ANK2: variants seen among roughly 807,000 people sequenced by gnomAD.
The protein encoded by ANK2 is ankyrin 2.
Under a neutral mutation model 360.5 loss-of-function variants are expected in ANK2, and 83 were observed. That is an observed-to-expected ratio of 0.23 (90% CI 0.19 to 0.28). The LOEUF is 0.28. Among genes scored for constraint, ANK2 ranks in the 10% least tolerant of loss-of-function variants. The pLI, the probability that ANK2 is intolerant of heterozygous loss-of-function variation, is 1.00. For missense variants in ANK2, 4,201 were observed against 4,795.7 expected (o/e 0.88, Z 3.66); for synonymous variants, 1,740 against 1,759.5 (o/e 0.99, Z 0.28).
At chr4:113,330,512 C>A (rs2153927039) in intron 27 of ANK2, 42 bp downstream of exon 27, 1 of 1,583,636 alleles carries the variant, frequency 6.3e-7, no homozygotes, top group Non-Finnish European at 8.7e-7. Context: ...CATCGATGAG[C>A]TTGTGTCCTC....
At chr4:113,288,613 G>A (rs1162113956) in intron 20 of ANK2, 127 bp downstream of exon 20, 4 of 789,880 alleles carry the variant, frequency 5.1e-6, no homozygotes, top group East Asian at 2.7e-5. Flanking sequence ...TGATTTTGAC[G>A]AGGTGATGTA....
At chr4:112,817,411 A>G (rs2055758328), upstream of ANK2, among the ~76,000 whole-genome samples, 1 of 152,132 alleles carries the variant, frequency 6.6e-6, no homozygotes, top group Non-Finnish European at 1.5e-5. Flanking sequence ...AATGAATGTA[A>G]GCCTGAATGG....
chr4:113,355,213 G>C lies in ANK2; in HGVS notation c.6595G>C (p.Asp2199His). 4 of 1,614,152 alleles carry C rather than the reference G, an allele frequency of 2.5e-6. No homozygotes were observed. Among genetic ancestry groups the C allele is most frequent in the Non-Finnish European group, 3.4e-6 (4 of 1,179,982 alleles). Residue 2199 changes from aspartate (D) to histidine (H), a missense_variant, in exon 38 of 46, where the codon GAT becomes CAT. By Grantham distance (81) the Asp-to-His change is moderately conservative. This residue lies in a region of ANK2 where 2,642 missense variants were observed against 2,714.5 expected (regional missense o/e 0.97). Transcript: ENST00000357077. ...TCTGTCTTTACAAAGCGGTGCTTTA[G>C]ATGGCAGTTCTGAAAGCCTAAAGAA... Reference protein sequence around the residue: ...PALSLQSGALDGSSESLKNEG... With the variant: ...PALSLQSGALHGSSESLKNEG...
chr4:113,151,085 A>C (rs773781121), intron 1 of ANK2: 11 of 1,289,018 alleles, frequency 8.5e-6, no homozygotes, highest in South Asian at 1.2e-5. Context: ...TACAGGTGAC[A>C]TGCCCCCAGA....
chr4:113,238,261 C>G (rs2099399522), intron 7 of ANK2, among the ~76,000 whole-genome samples: 1 of 152,152 alleles, frequency 6.6e-6, no homozygotes, highest in South Asian at 2.1e-4. Context: ...TTAGTAGTCT[C>G]TCCTTGGCCA....
intron 21 of ANK2, 30 bp downstream of exon 21, chr4:113,292,544 G>A (rs369676749): frequency 7.1e-6 from 11 of 1,557,856 alleles, no homozygotes; most frequent in African/African-American, 5.5e-5. Context: ...CCCTCACCAC[G>A]CTTTCTTCTT....
At chr4:112,767,433 T>C in the ANK2 span, among the ~76,000 whole-genome samples, 1 of 152,106 alleles carries the variant, frequency 6.6e-6, no homozygotes, top group South Asian at 2.1e-4. Flanking sequence ...TGGTGGCATG[T>C]GTCTGTAGTC....
chr4:113,167,532 C>G (rs1302756377), intron 1 of ANK2, among the ~76,000 whole-genome samples: 1 of 152,106 alleles, frequency 6.6e-6, no homozygotes, highest in Non-Finnish European at 1.5e-5. Context: ...CTCCTGATCT[C>G]AAGCAATCCA....
intron 1 of ANK2, among the ~76,000 whole-genome samples, chr4:112,828,771 A>T (rs1213539970): frequency 2.0e-5 from 3 of 152,256 alleles, no homozygotes; most frequent in African/African-American, 4.8e-5. Context: ...CAAACTATGT[A>T]TCCAGCAAAA....
intron 1 of ANK2, among the ~76,000 whole-genome samples, chr4:112,892,953 T>C (rs568010740): frequency 6.6e-5 from 10 of 151,790 alleles, no homozygotes; most frequent in African/African-American, 2.4e-4. Context: ...TTGCACATTC[T>C]AAAAATATAT....
At chr4:113,348,677 A>G (rs2095157856) in intron 36 of ANK2, among the ~76,000 whole-genome samples, 1 of 152,082 alleles carries the variant, frequency 6.6e-6, no homozygotes, top group Non-Finnish European at 1.5e-5. Context: ...TACATTAAAA[A>G]TGTACTAAGA....
At chr4:112,889,427 C>T (rs2079320528) in intron 1 of ANK2, among the ~76,000 whole-genome samples, 1 of 152,092 alleles carries the variant, frequency 6.6e-6, no homozygotes, top group Non-Finnish European at 1.5e-5. Flanking sequence ...ATCCTTCTGA[C>T]TACAAGCTAG....
the ANK2 span, among the ~76,000 whole-genome samples, chr4:112,712,394 A>G: frequency 2.2e-5 from 1 of 45,176 alleles, no homozygotes; most frequent in African/African-American, 5.8e-5. Context: ...TGTCATATAT[A>G]TATATATATA....
chr4:112,772,146 G>C, the ANK2 span, among the ~76,000 whole-genome samples: 1 of 152,162 alleles, frequency 6.6e-6, no homozygotes, highest in Non-Finnish European at 1.5e-5. Context: ...CCGAGACTGG[G>C]TAATTTATAA....
At chr4:113,160,858 C>T (rs998390143) in intron 1 of ANK2, among the ~76,000 whole-genome samples, 1 of 152,104 alleles carries the variant, frequency 6.6e-6, no homozygotes, top group African/African-American at 2.4e-5. Flanking sequence ...GTGTTGGGGA[C>T]CCCGGAATAA....
intron 4 of ANK2, chr4:113,216,939 T>C (rs2099091782): frequency 6.6e-6 from 1 of 152,184 alleles, no homozygotes; most frequent in African/African-American, 2.4e-5. Context: ...TTTGTTGGAA[T>C]GAGGCAGCTT....
intron 2 of ANK2, among the ~76,000 whole-genome samples, chr4:113,020,782 C>T (rs538731697): frequency 3.0e-4 from 43 of 144,338 alleles, no homozygotes; most frequent in African/African-American, 1.1e-3. Context: ...GCCAAGATCA[C>T]GCCACTGCAT....
chr4:112,958,603 AC>A (rs1349448292), intron 2 of ANK2, among the ~76,000 whole-genome samples: 5 of 151,434 alleles, frequency 3.3e-5, no homozygotes, highest in African/African-American at 7.3e-5. Context: ...GGAGAGGGAG[AC>A]CGTGGGGAGA....
intron 35 of ANK2, 152 bp downstream of exon 35, chr4:113,346,174 T>A: frequency 1.1e-6 from 1 of 936,066 alleles, no homozygotes; most frequent in South Asian, 1.4e-5. Flanking sequence ...ATTGAAAGCA[T>A]GTGTAATAAT....
Sources: gnomAD v4.1 joint callset for allele counts (sites outside exome capture counted in the v4.1 genomes callset) on GRCh38, gnomAD v4.1.1 for gene constraint, gnomAD v4.1.1 regional missense constraint, MANE v1.5 for transcripts, NCBI Gene and HGNC (gene_info 2026-07-23, HGNC 2026-07-21) for gene names.